Variants in METTL2B observed in about 807,000 individuals in gnomAD.
METTL2B encodes tRNA N(3)-cytidine methyltransferase METTL2B.
In METTL2B, 28 loss-of-function variants were observed where a neutral mutation model predicts 51.0. The ratio of observed to expected loss-of-function variants is 0.55; its 90% CI spans 0.41 to 0.75. The LOEUF (loss-of-function observed/expected upper bound fraction) is 0.75. Among genes scored for constraint, METTL2B ranks in the 30% least tolerant of loss-of-function variants. METTL2B has a pLI of 0.00. For synonymous variants in METTL2B, 128 were observed against 166.3 expected (o/e 0.77, Z 1.77); for missense variants, 313 against 460.7 (o/e 0.68, Z 2.93).
chr7:128,493,861 G>A lies in METTL2B; in HGVS notation c.727G>A (p.Glu243Lys). The A allele has an allele frequency of 1.2e-6, 2 of 1,612,762 alleles. No homozygotes were observed. The highest frequency in any genetic ancestry group is 2.2e-5 in the East Asian group (1 of 44,872). The change falls in exon 6 of 9, where the codon GAA becomes AAA. Residue 243 changes from glutamate (E) to lysine (K), a missense_variant. Physicochemically the swap from Glu to Lys is moderately conservative, Grantham distance 56 (BLOSUM62 1). This residue lies in a region of METTL2B where 138 missense variants were observed against 187.6 expected (regional missense o/e 0.74). Transcript: ENST00000262432. ...CFAFVHDLCDEEKSYPVPKGS... is the reference protein window; with the variant it reads ...CFAFVHDLCDKEKSYPVPKGS... ...TGCCTTTGTTCACGACCTGTGTGAT[G>A]AAGAGAAGAGTTACCCAGTGCCCAA...
chr7:128,482,181 T>C (rs1156886839), intron 4 of METTL2B, among the ~76,000 whole-genome samples: 11 of 151,928 alleles, frequency 7.2e-5, no homozygotes, highest in Admixed American at 7.2e-4. Context: ...AGATACAGAG[T>C]CTTGCTTCAT....
chr7:128,487,772 C>T (rs1792743594), intron 4 of METTL2B, among the ~76,000 whole-genome samples: 1 of 151,366 alleles, frequency 6.6e-6, no homozygotes, highest in African/African-American at 2.4e-5. Context: ...GGTGGCTCAG[C>T]GAAGAAAAAA....
At chr7:128,491,805 C>T (rs1239943571) in intron 5 of METTL2B, among the ~76,000 whole-genome samples, 1 of 148,982 alleles carries the variant, frequency 6.7e-6, no homozygotes, top group Non-Finnish European at 1.5e-5. Context: ...ATGTATAATG[C>T]TGTTAGGGCA....
At chr7:128,496,964 G>A (rs766907083) in intron 6 of METTL2B, among the ~76,000 whole-genome samples, 4 of 152,068 alleles carry the variant, frequency 2.6e-5, no homozygotes, top group Non-Finnish European at 4.4e-5. Flanking sequence ...TGTATTTTTA[G>A]TAGAGACAGG....
chr7:128,488,746 C>A (rs947453392), intron 5 of METTL2B: 1 of 297,228 alleles, frequency 3.4e-6, no homozygotes, highest in African/African-American at 2.2e-5. Context: ...CCAGGCTGGT[C>A]TCGAATGATA....
rs536751730 is a variant in METTL2B, at chr7:128,478,089, C to A, written c.202+916C>A. 141 of 352,458 alleles carry A rather than the reference C, an allele frequency of 4.0e-4. 1 individual carries two copies. Among genetic ancestry groups the A allele is most frequent in the African/African-American group, 2.2e-3 (103 of 47,212 alleles). The allele number at this position is 352,458 out of a possible 1,614,324, so 21.8% of individuals were successfully genotyped here. ...TGAGTTGTGAGTTGTTAACACACTT[C>A]TTAGTGGATTCCAACTTCCATTGTC... On this transcript the variant is annotated intron_variant, in intron 2 of 8. Transcript: ENST00000262432.
At chr7:128,489,428 T>TC (rs1261664766) in intron 5 of METTL2B, among the ~76,000 whole-genome samples, 2 of 109,410 alleles carry the variant, frequency 1.8e-5, no homozygotes, top group East Asian at 6.2e-4. Flanking sequence ...AGAGTGAGAC[T>TC]CCATCTCAAA....
intron 4 of METTL2B, among the ~76,000 whole-genome samples, chr7:128,487,166 G>A (rs3958068): frequency 3.3e-5 from 5 of 152,104 alleles, no homozygotes; most frequent in Non-Finnish European, 7.4e-5. Context: ...GCAGTTCCCC[G>A]GGTTTTTAGT....
At chr7:128,491,937 A>G (rs1489044416) in intron 5 of METTL2B, among the ~76,000 whole-genome samples, 1 of 152,196 alleles carries the variant, frequency 6.6e-6, no homozygotes, top group Non-Finnish European at 1.5e-5. Context: ...ATCTACAGAA[A>G]TAGATTTTCC....
intron 5 of METTL2B, among the ~76,000 whole-genome samples, chr7:128,490,138 A>G (rs1792802183): frequency 6.6e-6 from 1 of 152,186 alleles, no homozygotes; most frequent in Admixed American, 6.6e-5. Context: ...TTGCCATTTC[A>G]AAACAATGTT....
rs1793115046 is a variant in METTL2B, at chr7:128,505,960, G to A, written c.*4044G>A. The A allele has an allele frequency of 6.6e-6, 1 of 152,190 alleles. No homozygotes were observed. The highest frequency in any genetic ancestry group is 6.6e-5 in the Admixed American group (1 of 15,262). The allele number at this position is 152,190 out of a possible 1,614,324, so 9.4% of individuals were successfully genotyped here. On this transcript the variant is annotated 3_prime_UTR_variant, in exon 9 of 9. Coordinates refer to ENST00000262432, the MANE Select transcript of METTL2B (RefSeq NM_018396.3). Reference sequence around the variant, plus strand: ...TTCTCCCACCCCAGCCTCCCAAGTAGATGGGACTACAGGCATGTGCCACCA... The same window carrying A: ...TTCTCCCACCCCAGCCTCCCAAGTAAATGGGACTACAGGCATGTGCCACCA...
rs1563027693 is a variant in METTL2B at position 128,484,232 on chromosome 7, T to TTTTTTTTTTTTTTTTTTTTTTTG, written c.608+3549_608+3550insTTTTTTTTTGTTTTTTTTTTTTT. Reference sequence around the variant, plus strand: ...TGCCTAGATCCTTTTTTTTTTTTTTTTTTTTTTTTTTTTGAGACAGGATTT... The same window carrying TTTTTTTTTTTTTTTTTTTTTTTG: ...TGCCTAGATCCTTTTTTTTTTTTTTTTTTTTTTTTTTTTTTTTTTTTTGTTTTTTTTTTTTTGAGACAGGATTT... On this transcript the variant is annotated intron_variant, in intron 4 of 8. Coordinates refer to ENST00000262432, the MANE Select transcript of METTL2B (RefSeq NM_018396.3). The TTTTTTTTTTTTTTTTTTTTTTTG allele has an allele frequency of 1.1e-4, 9 of 83,556 alleles. 2 individuals are homozygous for TTTTTTTTTTTTTTTTTTTTTTTG. Among genetic ancestry groups the TTTTTTTTTTTTTTTTTTTTTTTG allele is most frequent in the Non-Finnish European group, 1.1e-4 (5 of 44,820 alleles). 5.2% of individuals were successfully genotyped at this position (83,556 alleles called of 1,614,324 possible).
rs1238049186 is a variant in METTL2B at position 128,480,676 on chromosome 7, T to G, written c.588T>G (p.Phe196Leu). The part of the protein sequence containing the change: ...EVGCGVGNTV[F>L]PILQTNNDPG... ...GCTGTGGTGTGGGAAACACAGTCTTTCCAATTTTACAAACGAACAAGTAAG... is the reference window on the plus strand; with the variant it reads ...GCTGTGGTGTGGGAAACACAGTCTTGCCAATTTTACAAACGAACAAGTAAG... Residue 196 changes from phenylalanine (F) to leucine (L), a missense_variant, in exon 4 of 9, where the codon TTT becomes TTG. This residue lies in a region of METTL2B where 42 missense variants were observed against 113.4 expected (regional missense o/e 0.37). Coordinates refer to ENST00000262432, the MANE Select transcript of METTL2B (RefSeq NM_018396.3). The G allele has an allele frequency of 6.2e-7, 1 of 1,604,622 alleles. No homozygotes were observed. Among genetic ancestry groups the G allele is most frequent in the Non-Finnish European group, 8.5e-7 (1 of 1,177,388 alleles).
chr7:128,487,302 A>G (rs1411461781), intron 4 of METTL2B, among the ~76,000 whole-genome samples: 1 of 152,192 alleles, frequency 6.6e-6, no homozygotes, highest in Non-Finnish European at 1.5e-5. Context: ...CACTCAAATT[A>G]TGAGCCCAAC....
At position 128,488,271 on chromosome 7, in the gene METTL2B, G is replaced by C. The variant is rs564483600; in HGVS notation, c.669+110G>C. ...GTTCTTATACGGTCTGTGTTCTTAC[G>C]GTCTAAAAGTAAAAGATTTACTGAT... On this transcript the variant is annotated intron_variant, in intron 5 of 8. Coordinates refer to ENST00000262432, the MANE Select transcript of METTL2B (RefSeq NM_018396.3). The C allele has an allele frequency of 2.3e-6, 3 of 1,277,428 alleles. No individual in the cohort carries two copies. In the Admixed American group the frequency reaches 5.8e-5, roughly 25 times the overall value. The allele number at this position is 1,277,428 out of a possible 1,614,324, so 79.1% of individuals were successfully genotyped here.
At chr7:128,482,186 C>A (rs188190084) in intron 4 of METTL2B, among the ~76,000 whole-genome samples, 1 of 152,258 alleles carries the variant, frequency 6.6e-6, no homozygotes, top group African/African-American at 2.4e-5. Flanking sequence ...CAGAGTCTTG[C>A]TTCATCTCCC....
Position 128,503,485 on chromosome 7 carries a change from G to T in METTL2B, c.*1569G>T, listed in dbSNP as rs1277775656. The T allele has an allele frequency of 6.7e-6, 1 of 149,442 alleles. No individual in the cohort carries two copies. Among genetic ancestry groups the T allele is most frequent in the East Asian group, 1.9e-4 (1 of 5,134 alleles). The allele number at this position is 149,442 out of a possible 1,614,324, so 9.3% of individuals were successfully genotyped here. Reference sequence around the variant, plus strand: ...GGCTCTCACTTTGTTGCCCAGGCTGGAGTTCAGTGGTGCAATGATAGCTCA... The same window carrying T: ...GGCTCTCACTTTGTTGCCCAGGCTGTAGTTCAGTGGTGCAATGATAGCTCA... On this transcript the variant is annotated 3_prime_UTR_variant, in exon 9 of 9. Coordinates refer to ENST00000262432, the MANE Select transcript of METTL2B (RefSeq NM_018396.3).
At chr7:128,500,348 C>T (rs1437244832) in intron 7 of METTL2B, among the ~76,000 whole-genome samples, 8 of 152,132 alleles carry the variant, frequency 5.3e-5, no homozygotes, top group East Asian at 3.9e-4. Context: ...AGGCCAGGCA[C>T]GGTGGCTCAT....
At chr7:128,490,523 C>T (rs1292032114) in intron 5 of METTL2B, among the ~76,000 whole-genome samples, 1 of 152,070 alleles carries the variant, frequency 6.6e-6, no homozygotes, top group Non-Finnish European at 1.5e-5. Context: ...GTCATAGAAC[C>T]TAAGGGCACA....
Sources: allele counts gnomAD v4.1 joint callset (sites outside exome capture counted in the v4.1 genomes callset), GRCh38; gene constraint gnomAD v4.1.1; regional missense constraint gnomAD v4.1.1; transcripts MANE v1.5; gene names NCBI Gene and HGNC (gene_info 2026-07-23, HGNC 2026-07-21).